Variants in FHOD3 observed in about 807,000 individuals in gnomAD.
FHOD3 encodes the protein FH1/FH2 domain-containing protein 3.
FHOD3 carries 90 observed loss-of-function variants against 173.0 expected under a neutral mutation model. The observed-to-expected ratio is 0.52, with a 90% CI of 0.44 to 0.62. The LOEUF is 0.62. Ranked by LOEUF, FHOD3 falls within the 20% of genes least tolerant of loss-of-function variation. The pLI, the probability that FHOD3 is intolerant of heterozygous loss-of-function variation, is 0.00. For synonymous variants in FHOD3, 828 were observed against 823.0 expected (o/e 1.01, Z -0.10); for missense variants, 1,945 against 2,034.7 (o/e 0.96, Z 0.85).
At chr18:36,402,506 T>TACACACACACACACACAC (rs146120105) in intron 3 of FHOD3, among the ~76,000 whole-genome samples, 112 of 143,988 alleles carry the variant, frequency 7.8e-4, no homozygotes, top group Admixed American at 2.0e-3. Flanking sequence ...GATGCAATTA[T>TACACACACACACACACAC]ACACACACAC....
At chr18:36,394,081 C>T (rs368377445) in intron 3 of FHOD3, among the ~76,000 whole-genome samples, 3 of 152,116 alleles carry the variant, frequency 2.0e-5, no homozygotes, top group Non-Finnish European at 2.9e-5. Flanking sequence ...ATCCAACCTA[C>T]TTGGGCAGAT....
At chr18:36,377,078 C>T (rs1386785266) in intron 3 of FHOD3, among the ~76,000 whole-genome samples, 6 of 152,152 alleles carry the variant, frequency 3.9e-5, no homozygotes, top group African/African-American at 1.4e-4. Context: ...CAGGTTTTGT[C>T]CAGTGCTTGA....
intron 3 of FHOD3, among the ~76,000 whole-genome samples, chr18:36,374,243 C>T (rs1304893528): frequency 2.6e-5 from 4 of 152,130 alleles, no homozygotes; most frequent in Admixed American, 1.3e-4. Flanking sequence ...TGTATCCTAT[C>T]GTCCCATGTG....
chr18:36,562,038 A>G (rs1175590828), intron 5 of FHOD3, among the ~76,000 whole-genome samples: 1 of 148,640 alleles, frequency 6.7e-6, no homozygotes, highest in Admixed American at 6.8e-5. Context: ...ATTTTTTGAG[A>G]TGGAGTCTCA....
At chr18:36,337,180 A>G (rs1242048355) in intron 1 of FHOD3, among the ~76,000 whole-genome samples, 1 of 152,078 alleles carries the variant, frequency 6.6e-6, no homozygotes, top group Non-Finnish European at 1.5e-5. Context: ...TCAAAAAAAA[A>G]AAAAAAAAAG....
chr18:36,380,563 T>TTTCCTTTCC (rs1568196019), intron 3 of FHOD3, among the ~76,000 whole-genome samples: 33 of 86,714 alleles, frequency 3.8e-4, no homozygotes, highest in Middle Eastern at 4.9e-3. Flanking sequence ...TTTTCTTTTC[T>TTTCCTTTCC]TTTCTTTTCT....
intron 3 of FHOD3, among the ~76,000 whole-genome samples, chr18:36,380,831 C>G (rs1253144956): frequency 6.6e-6 from 1 of 152,014 alleles, no homozygotes; most frequent in Non-Finnish European, 1.5e-5. Flanking sequence ...TCACATGAGC[C>G]CCATTCACTG....
At chr18:36,776,189 T>G (rs2043637411) in intron 28 of FHOD3, among the ~76,000 whole-genome samples, 1 of 151,816 alleles carries the variant, frequency 6.6e-6, no homozygotes, top group African/African-American at 2.4e-5. Flanking sequence ...CCCAGCCTTT[T>G]TTTTTTTTTT....
intron 2 of FHOD3, among the ~76,000 whole-genome samples, chr18:36,356,028 C>A (rs1293038981): frequency 6.6e-6 from 1 of 152,154 alleles, no homozygotes; most frequent in Non-Finnish European, 1.5e-5. Flanking sequence ...GTCTGGGAGG[C>A]CGAGGCTGCA....
chr18:36,545,921 G>C (rs1363820039), intron 5 of FHOD3, among the ~76,000 whole-genome samples: 1 of 152,224 alleles, frequency 6.6e-6, no homozygotes, highest in African/African-American at 2.4e-5. Flanking sequence ...CAGAAATGCA[G>C]CTAACAGAGC....
intron 5 of FHOD3, among the ~76,000 whole-genome samples, chr18:36,551,009 CA>C (rs1206270056): frequency 6.6e-6 from 1 of 152,126 alleles, no homozygotes; most frequent in African/African-American, 2.4e-5. Context: ...AAAAGAAAAG[CA>C]TTCAGTGTTT....
intron 17 of FHOD3, among the ~76,000 whole-genome samples, chr18:36,694,113 A>C (rs527441754): frequency 1.3e-5 from 2 of 152,308 alleles, no homozygotes; most frequent in African/African-American, 4.8e-5. Context: ...TTTCACATTA[A>C]CACAGGGATG....
intron 6 of FHOD3, among the ~76,000 whole-genome samples, chr18:36,594,145 C>G (rs1047523983): frequency 6.6e-6 from 1 of 152,084 alleles, no homozygotes; most frequent in Non-Finnish European, 1.5e-5. Flanking sequence ...AGGTGAATAA[C>G]CTGTGACCTC....
intron 20 of FHOD3, among the ~76,000 whole-genome samples, chr18:36,739,455 G>A (rs1001533772): frequency 6.6e-6 from 1 of 152,184 alleles, no homozygotes; most frequent in Non-Finnish European, 1.5e-5. Flanking sequence ...CCCAGGCTAA[G>A]TCCCAGTTTT....
At chr18:36,509,354 G>C (rs1387976719) in intron 4 of FHOD3, among the ~76,000 whole-genome samples, 2 of 151,114 alleles carry the variant, frequency 1.3e-5, no homozygotes, top group Non-Finnish European at 2.9e-5. Flanking sequence ...GTGAACCCGG[G>C]AGGCGGAGCT....
intron 10 of FHOD3, among the ~76,000 whole-genome samples, chr18:36,638,895 A>G (rs1372139850): frequency 2.6e-5 from 4 of 152,160 alleles, no homozygotes; most frequent in Admixed American, 2.6e-4. Context: ...CCCATAAGTG[A>G]AAAACACACA....
chr18:36,321,267 G>A (rs1307253775), intron 1 of FHOD3, among the ~76,000 whole-genome samples: 1 of 152,126 alleles, frequency 6.6e-6, no homozygotes, highest in Non-Finnish European at 1.5e-5. Context: ...TGAGGCCAGG[G>A]CCCATCTGTG....
intron 22 of FHOD3, among the ~76,000 whole-genome samples, chr18:36,743,488 A>G (rs1012725107): frequency 3.9e-5 from 6 of 152,124 alleles, no homozygotes; most frequent in African/African-American, 1.4e-4. Context: ...TTATCACTCA[A>G]ATACTCATGC....
At chr18:36,620,639 T>A (rs1361505316) in intron 9 of FHOD3, among the ~76,000 whole-genome samples, 1 of 152,246 alleles carries the variant, frequency 6.6e-6, no homozygotes, top group Non-Finnish European at 1.5e-5. Context: ...CTCCTTCAAA[T>A]ACCACACATT....
Sources: allele counts gnomAD v4.1 joint callset (sites outside exome capture counted in the v4.1 genomes callset), GRCh38; gene constraint gnomAD v4.1.1; transcripts MANE v1.5; gene names NCBI Gene and HGNC (gene_info 2026-07-23, HGNC 2026-07-21).